The following PTMA variants were observed in gnomAD, a reference collection of about 807,000 sequenced individuals.
PTMA encodes the protein prothymosin alpha.
A neutral mutation model predicts 16.9 loss-of-function variants in PTMA; 4 were observed. That is an observed-to-expected ratio of 0.24 (90% CI 0.12 to 0.54). PTMA has a LOEUF of 0.54. Ranked by LOEUF, PTMA falls within the 20% of genes least tolerant of loss-of-function variation. The probability of loss-of-function intolerance (pLI) is 0.95; values close to 1 mark genes in which losing one functional copy is unlikely to be tolerated. For missense variants in PTMA, 120 were observed against 137.7 expected (o/e 0.87, Z 0.64); for synonymous variants, 58 against 47.9 (o/e 1.21, Z -0.87).
intron 1 of PTMA, chr2:231,710,176 C>G: frequency 7.7e-7 from 1 of 1,291,382 alleles, no homozygotes. Flanking sequence ...CTTGGCCCGC[C>G]GAATGCAGAC....
Position 231,711,978 on chromosome 2 carries a change from G to T in PTMA, c.206G>T (p.Gly69Val). Residue 69 changes from glycine (G) to valine (V), a missense_variant, in exon 3 of 5, where the codon GGT becomes GTT. Transcript: ENST00000409115. ...GGEEEEEEEE[G>V]DGEEEDGDED... The stretch of plus-strand genomic sequence containing the variant: ...GAGGAAGAGGAGGAGGAAGAAGAAG[G>T]TGATGGTGAGTAGCCTTGTCTATCT... 1.3e-6 allele frequency: 2 copies of T among 1,568,864 alleles called. No individual in the cohort carries two copies. Among genetic ancestry groups the T allele is most frequent in the Non-Finnish European group, 1.7e-6 (2 of 1,156,436 alleles).
intron 1 of PTMA, chr2:231,710,470 C>A: frequency 9.2e-7 from 1 of 1,089,990 alleles, no homozygotes; most frequent in Non-Finnish European, 1.2e-6. Flanking sequence ...GCGGGCGGAG[C>A]CGGGGTCCGC....
rs181378234 is a variant in PTMA, at chr2:231,711,777, G to T, written c.118-113G>T. 1.8e-5 allele frequency: 27 copies of T among 1,535,326 alleles called. No individual in the cohort carries two copies. The Admixed American group carries it at 5.9e-4, about 33-fold the overall frequency. ...GGGTCTCTGGGGTGGGCTTGGCTTG[G>T]CTGGGCTGTAGATGCAGCCGCCAGC... On this transcript the variant is annotated intron_variant, in intron 2 of 4. Coordinates refer to ENST00000409115, the MANE Select transcript of PTMA (RefSeq NM_002823.5).
rs148569079 is a variant in PTMA, at chr2:231,711,194, G to GA, written c.46-153dup. 2,417 of 633,238 alleles carry GA rather than the reference G, an allele frequency of 3.8e-3. 45 individuals are homozygous for GA. The African/African-American group carries it at 0.039, about 10-fold the overall frequency. The allele number at this position is 633,238 out of a possible 1,614,324, so 39.2% of individuals were successfully genotyped here. A position where few individuals can be genotyped will look rare whatever the true frequency, so the allele number is the denominator to read the frequency against. ...CCTTCCTTCCACCAGACCAGTGGGA[G>GA]AGGGACCGCAGGGGCATCAGGCCTT... On this transcript the variant is annotated intron_variant, in intron 1 of 4. Coordinates refer to ENST00000409115, the MANE Select transcript of PTMA (RefSeq NM_002823.5).
At chr2:231,711,808 G>T in intron 2 of PTMA, 82 bp from the exon 3 acceptor site, 1 of 1,574,186 alleles carries the variant, frequency 6.4e-7, no homozygotes, top group Non-Finnish European at 8.6e-7. Flanking sequence ...CCAGCCTCTG[G>T]TGGGAGGCCG....
intron 1 of PTMA, chr2:231,710,098 G>T: frequency 1.6e-6 from 2 of 1,239,654 alleles, no homozygotes; most frequent in South Asian, 4.0e-5. Context: ...GTAGTAGCCC[G>T]AGAGGCGCAT....
At chr2:231,712,728 C>A in intron 4 of PTMA, 76 bp from the exon 5 acceptor site, 1 of 1,517,012 alleles carries the variant, frequency 6.6e-7, no homozygotes, top group East Asian at 2.4e-5. Flanking sequence ...TCTTGCTCTG[C>A]CAGCAGGAGC....
chr2:231,710,912 CTCTT>C (rs955045497), intron 1 of PTMA, among the ~76,000 whole-genome samples: 4 of 152,158 alleles, frequency 2.6e-5, no homozygotes, highest in Non-Finnish European at 5.9e-5. Flanking sequence ...AGGCCCCTCT[CTCTT>C]TGCCTTATTT....
At chr2:231,710,365 G>C in intron 1 of PTMA, 1 of 1,199,650 alleles carries the variant, frequency 8.3e-7, no homozygotes, top group African/African-American at 1.6e-5. Context: ...GCCGAGGCCC[G>C]CGCGCAAAGC....
chr2:231,710,109 C>G (rs1015342972), intron 1 of PTMA: 6 of 1,242,406 alleles, frequency 4.8e-6, no homozygotes, highest in Non-Finnish European at 6.1e-6. Context: ...AGAGGCGCAT[C>G]CCCGACAGTC....
At chr2:231,711,747 G>C (rs1479905207) in intron 2 of PTMA, 143 bp from the exon 3 acceptor site, 3 of 1,439,594 alleles carry the variant, frequency 2.1e-6, no homozygotes, top group Non-Finnish European at 2.8e-6. Flanking sequence ...GTGTTGACTG[G>C]AGAAGGGTCT....
chr2:231,711,269 C>T (rs2048514910), intron 1 of PTMA, 79 bp from the exon 2 acceptor site: 1 of 1,150,142 alleles, frequency 8.7e-7, no homozygotes, highest in Non-Finnish European at 1.3e-6. Flanking sequence ...CCGTACAGAC[C>T]AGTAGTTCTC....
chr2:231,712,239 C>G (rs899328642), intron 3 of PTMA, among the ~76,000 whole-genome samples: 4 of 152,190 alleles, frequency 2.6e-5, no homozygotes, highest in African/African-American at 9.7e-5. Context: ...ATCTATTGGG[C>G]TGGCCTTTTG....
chr2:231,709,676 G>A (rs565023030), intron 1 of PTMA: 2 of 152,622 alleles, frequency 1.3e-5, no homozygotes, highest in South Asian at 4.1e-4. Flanking sequence ...TCGGCTATGA[G>A]GTCCTGCGCG....
chr2:231,710,820 T>C, intron 1 of PTMA: 1 of 307,576 alleles, frequency 3.3e-6, no homozygotes, highest in South Asian at 2.4e-5. Flanking sequence ...GCTTTGGCTT[T>C]TTTAGATACC....
intron 2 of PTMA, 112 bp downstream of exon 2, chr2:231,711,531 G>A (rs1486475861): frequency 2.0e-6 from 2 of 990,824 alleles, no homozygotes; most frequent in Non-Finnish European, 3.1e-6. Context: ...GTATAGCTTT[G>A]CACAGTGGCA....
intron 1 of PTMA, among the ~76,000 whole-genome samples, chr2:231,710,917 T>C (rs1376979527): frequency 6.6e-6 from 1 of 152,110 alleles, no homozygotes; most frequent in East Asian, 1.9e-4. Context: ...CCTCTCTCTT[T>C]GCCTTATTTA....
chr2:231,711,644 C>T, intron 2 of PTMA: 2 of 745,968 alleles, frequency 2.7e-6, no homozygotes, highest in Non-Finnish European at 4.3e-6. Flanking sequence ...TCAGAGGAGA[C>T]TCCGGTAGTC....
chr2:231,710,180 T>A, intron 1 of PTMA: 1 of 1,297,532 alleles, frequency 7.7e-7, no homozygotes, highest in South Asian at 2.6e-5. Flanking sequence ...GCCCGCCGAA[T>A]GCAGACATTC....
Sources: allele counts gnomAD v4.1 joint callset (sites outside exome capture counted in the v4.1 genomes callset), GRCh38; gene constraint gnomAD v4.1.1; transcripts MANE v1.5; gene names NCBI Gene and HGNC (gene_info 2026-07-23, HGNC 2026-07-21).